Variants in TLR9 observed in about 807,000 individuals in gnomAD.
TLR9 encodes the protein toll like receptor 9.
TLR9 carries 19 observed loss-of-function variants against 24.6 expected under a neutral mutation model. The ratio of observed to expected loss-of-function variants is 0.77; its 90% confidence interval spans 0.54 to 1.13. The LOEUF (loss-of-function observed/expected upper bound fraction) is 1.13. TLR9 is among the 50% of genes most tolerant of loss of function. The pLI is 0.00. For missense variants in TLR9, 1,065 were observed against 1,379.6 expected (o/e 0.77, Z 3.61); for synonymous variants, 579 against 609.8 (o/e 0.95, Z 0.74).
rs747281323 is a variant in TLR9, at chr3:52,222,817, C to A, written c.1499G>T (p.Cys500Phe). The A allele has an allele frequency of 8.7e-6, 14 of 1,613,950 alleles. No homozygotes were observed. The Admixed American group carries it at 2.3e-4, about 27-fold the overall frequency. ...EMFAQLSHLQCLRLSHNCISQ... is the reference protein window; with the variant it reads ...EMFAQLSHLQFLRLSHNCISQ... ...GATGCAGTTGTGGCTCAGGCGCAGG[C>A]ACTGCAGGTGCGAGAGCTGGGCAAA... The change falls in exon 2 of 2, where the codon TGC becomes TTC. Residue 500 changes from cysteine (C) to phenylalanine (F), a missense_variant. By Grantham distance (205) the Cys-to-Phe change is radical. Transcript: ENST00000360658.
rs184563116 is a variant in TLR9, at chr3:52,223,973, C to G, written c.343G>C (p.Glu115Gln). 1 of 1,593,938 alleles carries G rather than the reference C, an allele frequency of 6.3e-7. No homozygotes were observed. The highest frequency in any genetic ancestry group is 8.6e-7 in the Non-Finnish European group (1 of 1,166,692). The part of the protein sequence containing the change: ...PMHFPCHMTI[E>Q]PSTFLAVPTL... Reference sequence around the variant, plus strand: ...GGCACAGCCAAGAAGGTGCTGGGCTCGATGGTCATGTGGCAGGGGAAGTGC... The same window carrying G: ...GGCACAGCCAAGAAGGTGCTGGGCTGGATGGTCATGTGGCAGGGGAAGTGC... The change falls in exon 2 of 2, where the codon GAG (glutamate) becomes CAG (glutamine). Residue 115 changes from glutamate to glutamine, a missense_variant. Transcript: ENST00000360658.
rs560005966 is a variant in TLR9, at chr3:52,225,607, G to A, written c.-78C>T. ...CTACAGGGAAGGATGCTTCACACTCGAGGTCCCTTCCCACAGGGGCAGCAG... is the reference window on the plus strand; with the variant it reads ...CTACAGGGAAGGATGCTTCACACTCAAGGTCCCTTCCCACAGGGGCAGCAG... On this transcript the variant is annotated 5_prime_UTR_variant, in exon 1 of 2. Coordinates refer to ENST00000360658, the MANE Select transcript of TLR9 (RefSeq NM_017442.4). 1.5e-5 allele frequency: 24 copies of A among 1,564,476 alleles called. No homozygotes were observed. In the East Asian group the frequency reaches 1.7e-4, roughly 11 times the overall value.
rs200495784 is a variant in TLR9 at position 52,223,091 on chromosome 3, C to T, written c.1225G>A (p.Gly409Ser). 5.6e-6 allele frequency: 9 copies of T among 1,612,074 alleles called. No homozygotes were observed. Among genetic ancestry groups the T allele is most frequent in the Admixed American group, 5.0e-5 (3 of 59,796 alleles). Residue 409 changes from glycine (G) to serine (S), a missense_variant, in exon 2 of 2, where the codon GGC becomes AGC. Transcript: ENST00000360658. The part of the protein sequence containing the change: ...QMNFINQAQL[G>S]IFRAFPGLRY... ...AGGCCAGGGAAGGCCCTGAAGATGC[C>T]GAGCTGGGCCTGGTTGATGAAGTTC...
Position 52,221,091 on chromosome 3 carries a change from A to G in TLR9, c.*126T>C. 1 of 828,346 alleles carries G rather than the reference A, an allele frequency of 1.2e-6. No homozygotes were observed. Among genetic ancestry groups the G allele is most frequent in the Admixed American group, 2.8e-5 (1 of 35,830 alleles). The allele number at this position is 828,346 out of a possible 1,614,324, so 51.3% of individuals were successfully genotyped here. Reference sequence around the variant, plus strand: ...CAGAGTTAGCCATCTAGCCTTCGGTAGCATTTATTGAGTGCCTGCTCTGTG... The same window carrying G: ...CAGAGTTAGCCATCTAGCCTTCGGTGGCATTTATTGAGTGCCTGCTCTGTG... On this transcript the variant is annotated 3_prime_UTR_variant, in exon 2 of 2. Coordinates refer to ENST00000360658, the MANE Select transcript of TLR9 (RefSeq NM_017442.4). This position sits in a 1 kb window ranked among gnomAD's most constrained non-coding sequence, Gnocchi z 9.9.
In TLR9 at chr3:52,225,533, G is replaced by A; in HGVS notation, c.-4C>T. 6.3e-7 allele frequency: 1 copy of A among 1,584,334 alleles called. No homozygotes were observed. Among genetic ancestry groups the A allele is most frequent in the Non-Finnish European group, 8.5e-7 (1 of 1,169,868 alleles). ...CTGAGAGCTGTTGTCCTACCATGCTGGGGGGCAGGGGCTTCTCCAGAGGGT... is the reference window on the plus strand; with the variant it reads ...CTGAGAGCTGTTGTCCTACCATGCTAGGGGGCAGGGGCTTCTCCAGAGGGT... On this transcript the variant is annotated 5_prime_UTR_variant, in exon 1 of 2. Coordinates refer to ENST00000360658, the MANE Select transcript of TLR9 (RefSeq NM_017442.4).
In TLR9 at chr3:52,223,029, T is replaced by G. The variant is rs144787197; in HGVS notation, c.1287A>C (p.Gly429=). The change falls in exon 2 of 2, where the codon GGA becomes GGC. Residue 429 remains glycine, a synonymous_variant. Coordinates refer to ENST00000360658, the MANE Select transcript of TLR9 (RefSeq NM_017442.4). The part of the protein sequence containing the change: ...YVDLSDNRIS[G]ASELTATMGE... ...CCATGGTGGCTGTCAGCTCCGAAGC[T>G]CCGCTGATGCGGTTGTCCGACAGGT... 2.5e-6 allele frequency: 4 copies of G among 1,585,708 alleles called. No individual in the cohort carries two copies. In the African/African-American group the frequency reaches 5.4e-5, roughly 21 times the overall value.
In TLR9 at chr3:52,221,714, G is replaced by A; in HGVS notation, c.2602C>T (p.Leu868=). ...GRQSGRDEDA[L]PYDAFVVFDK... ...AAGACCACGAAGGCATCGTAGGGCAGGGCATCCTCATCTCGCCCACTTTGC... is the reference window on the plus strand; with the variant it reads ...AAGACCACGAAGGCATCGTAGGGCAAGGCATCCTCATCTCGCCCACTTTGC... Residue 868 remains leucine (L), a synonymous_variant, in exon 2 of 2, where the codon CTG becomes TTG. Transcript: ENST00000360658. The surrounding 1 kb of genome is among the most constrained non-coding windows in gnomAD (Gnocchi z 9.9). 1.9e-6 allele frequency: 3 copies of A among 1,613,998 alleles called. No homozygotes were observed. The South Asian group carries it at 3.3e-5, about 18-fold the overall frequency.
chr3:52,223,906 G>C lies in TLR9; in HGVS notation c.410C>G (p.Thr137Ser). Residue 137 changes from threonine (T) to serine (S), a missense_variant, in exon 2 of 2, where the codon ACT becomes AGT. Coordinates refer to ENST00000360658, the MANE Select transcript of TLR9 (RefSeq NM_017442.4). ...ELNLSYNNIM[T>S]VPALPKSLIS... ...GAGGGATTTGGGCAGCGCAGGCACA[G>C]TCATGATGTTGTTGTAGCTCAGGTT... 6.2e-7 allele frequency: 1 copy of C among 1,603,242 alleles called. No individual in the cohort carries two copies. Among genetic ancestry groups the C allele is most frequent in the Non-Finnish European group, 8.5e-7 (1 of 1,173,286 alleles).
At chr3:52,225,137 G>C (rs1699608262) in intron 1 of TLR9, among the ~76,000 whole-genome samples, 1 of 152,190 alleles carries the variant, frequency 6.6e-6, no homozygotes. Context: ...CTGAGGTCTG[G>C]AGTTCAAGAC....
At position 52,221,254 on chromosome 3, in the gene TLR9, T is replaced by C. The variant is rs1699547638; in HGVS notation, c.3062A>G (p.Tyr1021Cys). 6.6e-7 allele frequency: 1 copy of C among 1,515,204 alleles called. No homozygotes were observed. Among genetic ancestry groups the C allele is most frequent in the Admixed American group, 2.3e-5 (1 of 43,914 alleles). 93.9% of individuals were successfully genotyped at this position (1,515,204 alleles called of 1,614,324 possible). ...MALTRDNHHF[Y>C]NRNFCQGPTA... Reference sequence around the variant, plus strand: ...GGGTCCCTGGCAGAAGTTCCGGTTATAGAAGTGGTGGTTGTCCCTGGTCAG... The same window carrying C: ...GGGTCCCTGGCAGAAGTTCCGGTTACAGAAGTGGTGGTTGTCCCTGGTCAG... Residue 1021 changes from tyrosine to cysteine, a missense_variant, in exon 2 of 2, where the codon TAT (tyrosine) becomes TGT (cysteine). Coordinates refer to ENST00000360658, the MANE Select transcript of TLR9 (RefSeq NM_017442.4). The surrounding 1 kb of genome is among the most constrained non-coding windows in gnomAD (Gnocchi z 9.9).
rs767792206 is a variant in TLR9 at position 52,222,470 on chromosome 3, C to T, written c.1846G>A (p.Glu616Lys). 1.4e-5 allele frequency: 23 copies of T among 1,614,230 alleles called. No homozygotes were observed. Among genetic ancestry groups the T allele is most frequent in the Admixed American group, 8.3e-5 (5 of 60,028 alleles). Reference protein sequence around the residue: ...SGNALGHMWAEGDLYLHFFQG... With the variant: ...SGNALGHMWAKGDLYLHFFQG... ...AAGAAGTGCAGATAGAGGTCTCCCT[C>T]GGCCCACATATGGCCCAGTGCATTG... The change falls in exon 2 of 2, where the codon GAG (glutamate) becomes AAG (lysine). Residue 616 changes from glutamate to lysine, a missense_variant. Glu to Lys is a moderately conservative substitution (Grantham distance 56, BLOSUM62 1). Transcript: ENST00000360658.
At position 52,222,230 on chromosome 3, in the gene TLR9, T is replaced by G; in HGVS notation, c.2086A>C (p.Ser696Arg). The change falls in exon 2 of 2, where the codon AGC becomes CGC. Residue 696 changes from serine (S) to arginine (R), a missense_variant. Transcript: ENST00000360658. ...CGGAGCCGGGTGCCAGCAGGCAGGC[T>G]GCCATTGGTCAGGGCCTTCAGCTGG... Reference protein sequence around the residue: ...GNQLKALTNGSLPAGTRLRRL... With the variant: ...GNQLKALTNGRLPAGTRLRRL... The G allele has an allele frequency of 1.2e-6, 2 of 1,614,102 alleles. No individual in the cohort carries two copies. The highest frequency in any genetic ancestry group is 1.7e-6 in the Non-Finnish European group (2 of 1,180,016).
Position 52,222,171 on chromosome 3 carries a change from G to A in TLR9, c.2145C>T (p.Phe715=), listed in dbSNP as rs141394433. ...RLDVSCNSIS[F]VAPGFFSKAK... ...CCTTGGAAAAGAAGCCGGGGGCCAC[G>A]AAGCTGATGCTGTTGCAGCTGACAT... Residue 715 remains phenylalanine (F), a synonymous_variant, in exon 2 of 2, where the codon TTC becomes TTT. Transcript: ENST00000360658. 14 of 1,613,840 alleles carry A rather than the reference G, an allele frequency of 8.7e-6. No homozygotes were observed. The highest frequency in any genetic ancestry group is 4.0e-5 in the African/African-American group (3 of 74,950).
rs55919832 is a variant in TLR9, at chr3:52,221,937, C to T, written c.2379G>A (p.Pro793=). ...GLPSRVKCGS[P]GQLQGLSIFA... is the part of the protein sequence containing the mutation. ...AGATGCTGAGGCCCTGGAGCTGGCC[C>T]GGACTGCCACACTTCACCCGGCTGG... Residue 793 remains proline, a synonymous_variant, in exon 2 of 2, where the codon CCG becomes CCA. Coordinates refer to ENST00000360658, the MANE Select transcript of TLR9 (RefSeq NM_017442.4). The surrounding 1 kb of genome is among the most constrained non-coding windows in gnomAD (Gnocchi z 9.9). 21 of 1,612,178 alleles carry T rather than the reference C, an allele frequency of 1.3e-5. No individual in the cohort carries two copies. The highest frequency in any genetic ancestry group is 1.2e-4 in the South Asian group (11 of 90,960).
At chr3:52,225,414 G>T in intron 1 of TLR9, 113 bp downstream of exon 1, 1 of 1,380,050 alleles carries the variant, frequency 7.2e-7, no homozygotes, top group Non-Finnish European at 1.0e-6. Context: ...AGTGTCCCCA[G>T]GGCCATGTGG....
rs201318686 is a variant in TLR9 at position 52,221,100 on chromosome 3, T to C, written c.*117A>G. The C allele has an allele frequency of 2.3e-5, 21 of 922,892 alleles. No individual in the cohort carries two copies. Among genetic ancestry groups the C allele is most frequent in the Non-Finnish European group, 3.2e-5 (20 of 628,622 alleles). The allele number at this position is 922,892 out of a possible 1,614,324, so 57.2% of individuals were successfully genotyped here. A position where few individuals can be genotyped will look rare whatever the true frequency, so the allele number is the denominator to read the frequency against. On this transcript the variant is annotated 3_prime_UTR_variant, in exon 2 of 2. Coordinates refer to ENST00000360658, the MANE Select transcript of TLR9 (RefSeq NM_017442.4). The surrounding 1 kb of genome is among the most constrained non-coding windows in gnomAD (Gnocchi z 9.9). ...CCATCTAGCCTTCGGTAGCATTTAT[T>C]GAGTGCCTGCTCTGTGTCAGGTGTG...
In TLR9 at chr3:52,223,073, G is replaced by T. The variant is rs1181237457; in HGVS notation, c.1243C>A (p.Pro415Thr). The change falls in exon 2 of 2, where the codon CCT becomes ACT. Residue 415 changes from proline (P) to threonine (T), a missense_variant. Physicochemically the swap from Pro to Thr is conservative, Grantham distance 38. Coordinates refer to ENST00000360658, the MANE Select transcript of TLR9 (RefSeq NM_017442.4). ...GACAGGTCCACGTAGCGCAGGCCAG[G>T]GAAGGCCCTGAAGATGCCGAGCTGG... ...QAQLGIFRAF[P>T]GLRYVDLSDN... The T allele has an allele frequency of 6.2e-7, 1 of 1,608,900 alleles. No homozygotes were observed.
chr3:52,225,385 A>G, intron 1 of TLR9, 142 bp downstream of exon 1: 1 of 1,006,174 alleles, frequency 9.9e-7, no homozygotes, highest in Non-Finnish European at 1.5e-6. Flanking sequence ...TTCGGCTCTG[A>G]AGTCTTCAGG....
chr3:52,221,249 G>T lies in TLR9; in HGVS notation c.3067C>A (p.Arg1023=). The change falls in exon 2 of 2, where the codon CGG becomes AGG. Residue 1023 remains arginine (R), a synonymous_variant. Coordinates refer to ENST00000360658, the MANE Select transcript of TLR9 (RefSeq NM_017442.4). This position sits in a 1 kb window ranked among gnomAD's most constrained non-coding sequence, Gnocchi z 9.9. The part of the protein sequence containing the change: ...LTRDNHHFYN[R]NFCQGPTAE ...GCCGTGGGTCCCTGGCAGAAGTTCCGGTTATAGAAGTGGTGGTTGTCCCTG... is the reference window on the plus strand; with the variant it reads ...GCCGTGGGTCCCTGGCAGAAGTTCCTGTTATAGAAGTGGTGGTTGTCCCTG... The T allele has an allele frequency of 6.6e-7, 1 of 1,514,456 alleles. No individual in the cohort carries two copies. The highest frequency in any genetic ancestry group is 8.8e-7 in the Non-Finnish European group (1 of 1,131,818). The allele number at this position is 1,514,456 out of a possible 1,614,324, so 93.8% of individuals were successfully genotyped here.
Sources: allele counts gnomAD v4.1 joint callset (sites outside exome capture counted in the v4.1 genomes callset), GRCh38; gene constraint gnomAD v4.1.1; non-coding constraint Gnocchi (gnomAD v3.1); transcripts MANE v1.5; gene names NCBI Gene and HGNC (gene_info 2026-07-23, HGNC 2026-07-21).